EIF2AK3: variants seen among roughly 807,000 people sequenced by gnomAD.
EIF2AK3 encodes the protein eukaryotic translation initiation factor 2 alpha kinase 3.
EIF2AK3 carries 50 observed loss-of-function variants against 113.5 expected under a neutral mutation model. That is an observed-to-expected ratio of 0.44 (90% CI 0.35 to 0.56). The LOEUF is 0.56. Ranked by LOEUF, EIF2AK3 falls within the 20% of genes least tolerant of loss-of-function variation. EIF2AK3 has a pLI of 0.00. For synonymous variants in EIF2AK3, 448 were observed against 495.4 expected (o/e 0.90, Z 1.27); for missense variants, 1,185 against 1,378.0 (o/e 0.86, Z 2.22).
intron 10 of EIF2AK3, among the ~76,000 whole-genome samples, chr2:88,581,635 T>C (rs901758070): frequency 4.6e-5 from 7 of 152,236 alleles, no homozygotes; most frequent in African/African-American, 1.7e-4. Context: ...GAACAGTGAA[T>C]AACTTCAGTA....
intron 2 of EIF2AK3, among the ~76,000 whole-genome samples, chr2:88,605,651 T>C (rs986405947): frequency 6.6e-6 from 1 of 152,186 alleles, no homozygotes; most frequent in Admixed American, 6.5e-5. Context: ...TATATGTCTG[T>C]ATATTTTAAT....
intron 1 of EIF2AK3, among the ~76,000 whole-genome samples, chr2:88,622,544 A>T (rs1396226819): frequency 6.6e-6 from 1 of 152,264 alleles, no homozygotes; most frequent in African/African-American, 2.4e-5. Flanking sequence ...GTCTAAGCAC[A>T]GTCCTGGCAT....
intron 11 of EIF2AK3, among the ~76,000 whole-genome samples, chr2:88,577,705 A>G (rs1049779769): frequency 6.6e-6 from 1 of 151,976 alleles, no homozygotes; most frequent in African/African-American, 2.4e-5. Flanking sequence ...CCTCTCTTCC[A>G]TCCTCCCCTA....
intron 14 of EIF2AK3, among the ~76,000 whole-genome samples, chr2:88,566,948 AAAT>A (rs760028095): frequency 3.9e-5 from 6 of 152,196 alleles, no homozygotes; most frequent in Non-Finnish European, 8.8e-5. Flanking sequence ...TGTCTCAAAA[AAAT>A]AATAAAATTT....
chr2:88,573,939 TTAAA>T (rs1049072550), intron 13 of EIF2AK3, among the ~76,000 whole-genome samples: 1 of 152,186 alleles, frequency 6.6e-6, no homozygotes, highest in Non-Finnish European at 1.5e-5. Context: ...GGGAAATTAG[TTAAA>T]TAAAAGTTCC....
At chr2:88,561,540 C>T (rs1255026603) in intron 15 of EIF2AK3, among the ~76,000 whole-genome samples, 1 of 151,902 alleles carries the variant, frequency 6.6e-6, no homozygotes, top group African/African-American at 2.4e-5. Flanking sequence ...GGATTACAGG[C>T]GTGAGCCACT....
chr2:88,578,470 G>T (rs1034501465), intron 11 of EIF2AK3, among the ~76,000 whole-genome samples: 2 of 152,096 alleles, frequency 1.3e-5, no homozygotes, highest in African/African-American at 4.8e-5. Context: ...ATCACCTGAG[G>T]TCAGGAGTTT....
Position 88,579,469 on chromosome 2 carries a change from T to C in EIF2AK3, c.1886+49A>G, listed in dbSNP as rs1198090410. 6 of 1,609,370 alleles carry C rather than the reference T, an allele frequency of 3.7e-6. No homozygotes were observed. In the East Asian group the frequency reaches 6.7e-5, roughly 18 times the overall value. ...AAGAAGGATATTTTACCCATGAGAT[T>C]AGATCACACTGTGCTGATTTCAAGT... On this transcript the variant is annotated intron_variant, in intron 11 of 16. Coordinates refer to ENST00000303236, the MANE Select transcript of EIF2AK3 (RefSeq NM_004836.7).
intron 2 of EIF2AK3, among the ~76,000 whole-genome samples, chr2:88,600,130 G>A (rs1264301517): frequency 6.6e-6 from 1 of 152,152 alleles, no homozygotes; most frequent in African/African-American, 2.4e-5. Context: ...CTTTTAAATA[G>A]CTGCTCTTCG....
chr2:88,627,367 A>G lies in EIF2AK3; in HGVS notation c.-93T>C, dbSNP rs1009376865. The stretch of plus-strand genomic sequence containing the variant: ...GCTCCCAAGAAGGCAAGGACGTGCT[A>G]GGGACCCTACTGCCGCCCCGACGGC... On this transcript the variant is annotated 5_prime_UTR_variant, in exon 1 of 17. Transcript: ENST00000303236. 3.7e-6 allele frequency: 5 copies of G among 1,345,134 alleles called. No homozygotes were observed. In the African/African-American group the frequency reaches 7.6e-5, roughly 21 times the overall value. 83.3% of individuals were successfully genotyped at this position (1,345,134 alleles called of 1,614,324 possible). A position where few individuals can be genotyped will look rare whatever the true frequency, so the allele number is the denominator to read the frequency against.
In EIF2AK3 at chr2:88,574,988, T is replaced by C. The variant is rs1190282186; in HGVS notation, c.2495A>G (p.His832Arg). The change falls in exon 13 of 17, where the codon CAT becomes CGT. Residue 832 changes from histidine (H) to arginine (R), a missense_variant. His to Arg is a conservative substitution (Grantham distance 29). Coordinates refer to ENST00000303236, the MANE Select transcript of EIF2AK3 (RefSeq NM_004836.7). Reference protein sequence around the residue: ...PKTNRLHIGNHCANKLTAFKP... With the variant: ...PKTNRLHIGNRCANKLTAFKP... ...GAAAGCAGTTAGTTTATTAGCACAA[T>C]GGTTGCCAATATGCAATCGATTAGT... 1 of 1,614,198 alleles carries C rather than the reference T, an allele frequency of 6.2e-7. No individual in the cohort carries two copies. The highest frequency in any genetic ancestry group is 1.7e-5 in the Admixed American group (1 of 60,028).
At chr2:88,607,387 T>C (rs533706969) in intron 2 of EIF2AK3, among the ~76,000 whole-genome samples, 7 of 152,356 alleles carry the variant, frequency 4.6e-5, no homozygotes, top group Admixed American at 3.3e-4. Flanking sequence ...AAAAATATTA[T>C]GCTTAGAACC....
At chr2:88,597,052 A>C (rs2104448000) in intron 2 of EIF2AK3, among the ~76,000 whole-genome samples, 1 of 152,256 alleles carries the variant, frequency 6.6e-6, no homozygotes, top group Admixed American at 6.5e-5. Flanking sequence ...AGTTAACAAA[A>C]TTTTTCTACA....
At chr2:88,609,495 G>A (rs1023432108) in intron 2 of EIF2AK3, among the ~76,000 whole-genome samples, 1 of 152,168 alleles carries the variant, frequency 6.6e-6, no homozygotes, top group African/African-American at 2.4e-5. Flanking sequence ...AAATGTTCTT[G>A]ATGAAGCAAT....
chr2:88,617,392 A>C (rs191211935), intron 1 of EIF2AK3, among the ~76,000 whole-genome samples: 2 of 152,326 alleles, frequency 1.3e-5, no homozygotes, highest in Admixed American at 1.3e-4. Context: ...ACAGGAACAG[A>C]AAATCAAATA....
At chr2:88,613,650 C>T in intron 2 of EIF2AK3, 74 bp downstream of exon 2, 3 of 1,570,198 alleles carry the variant, frequency 1.9e-6, no homozygotes, top group Middle Eastern at 3.3e-4. Context: ...GCAATAGGGC[C>T]CCAAACTTCT....
chr2:88,559,839 T>C (rs1673896346), intron 15 of EIF2AK3, among the ~76,000 whole-genome samples: 1 of 152,206 alleles, frequency 6.6e-6, no homozygotes, highest in Non-Finnish European at 1.5e-5. Context: ...ATACCACACT[T>C]TGTTTTTCCA....
In EIF2AK3 at chr2:88,588,108, A is replaced by C. The variant is rs548802949; in HGVS notation, c.1307-4T>G. ...ACAGGAGTTCTGGAAGGAGAATCTA[A>C]AAGAAAATTATTATTTTCTTAATAA... On this transcript the variant is annotated splice_region_variant and splice_polypyrimidine_tract_variant and intron_variant, in intron 7 of 16. Transcript: ENST00000303236. The C allele has an allele frequency of 2.0e-4, 290 of 1,460,870 alleles. 1 individual carries two copies. The South Asian group carries it at 3.4e-3, about 17-fold the overall frequency. The allele number at this position is 1,460,870 out of a possible 1,614,324, so 90.5% of individuals were successfully genotyped here. A position where few individuals can be genotyped will look rare whatever the true frequency, so the allele number is the denominator to read the frequency against.
chr2:88,626,990 C>G lies in EIF2AK3; in HGVS notation c.285G>C (p.Glu95Asp). ...QEPRGPEPDD[E>D]TELRPRGRSL... The stretch of plus-strand genomic sequence containing the variant: ...ACCTGCCGCGCGGTCGCAACTCTGT[C>G]TCATCGTCTGGTTCCGGACCCCGAG... Residue 95 changes from glutamate to aspartate, a missense_variant, in exon 1 of 17, where the codon GAG becomes GAC. Glu to Asp is a conservative substitution (Grantham distance 45). Coordinates refer to ENST00000303236, the MANE Select transcript of EIF2AK3 (RefSeq NM_004836.7). The G allele has an allele frequency of 6.2e-7, 1 of 1,609,632 alleles. No individual in the cohort carries two copies. Among genetic ancestry groups the G allele is most frequent in the East Asian group, 2.2e-5 (1 of 44,774 alleles).
Sources: gnomAD v4.1 joint callset for allele counts (sites outside exome capture counted in the v4.1 genomes callset) on GRCh38, gnomAD v4.1.1 for gene constraint, MANE v1.5 for transcripts, NCBI Gene and HGNC (gene_info 2026-07-23, HGNC 2026-07-21) for gene names.